The following DYNC2H1 variants were observed in gnomAD, a reference collection of about 807,000 sequenced individuals.
DYNC2H1 encodes the protein dynein cytoplasmic 2 heavy chain 1.
DYNC2H1 carries 410 observed loss-of-function variants against 570.0 expected under a neutral mutation model. The ratio of observed to expected loss-of-function variants is 0.72; its 90% confidence interval spans 0.66 to 0.78. The LOEUF (loss-of-function observed/expected upper bound fraction) is 0.78, where lower values mean the gene tolerates loss of function less well. Ranked by LOEUF, DYNC2H1 falls within the 30% of genes least tolerant of loss-of-function variation. The pLI, the probability that DYNC2H1 is intolerant of heterozygous loss-of-function variation, is 0.00. For missense variants in DYNC2H1, 4,865 were observed against 5,046.4 expected (o/e 0.96, Z 1.09); for synonymous variants, 1,688 against 1,677.6 (o/e 1.01, Z -0.15).
At chr11:103,119,951 G>A (rs1858612266) in intron 6 of DYNC2H1, among the ~76,000 whole-genome samples, 1 of 152,092 alleles carries the variant, frequency 6.6e-6, no homozygotes, top group Non-Finnish European at 1.5e-5. Flanking sequence ...ATTACCTTTT[G>A]ATTGTTGGTG....
chr11:103,352,863 G>A (rs1940118220), intron 82 of DYNC2H1, among the ~76,000 whole-genome samples: 1 of 152,058 alleles, frequency 6.6e-6, no homozygotes, highest in South Asian at 2.1e-4. Context: ...ATTTACTGTA[G>A]CACTATTCAC....
At chr11:103,433,623 G>T (rs1943968854) in intron 84 of DYNC2H1, among the ~76,000 whole-genome samples, 1 of 152,040 alleles carries the variant, frequency 6.6e-6, no homozygotes, top group South Asian at 2.1e-4. Flanking sequence ...GCCACAGTCT[G>T]CCCTCTAGGC....
At chr11:103,427,088 A>G (rs1943700405) in intron 84 of DYNC2H1, among the ~76,000 whole-genome samples, 1 of 152,064 alleles carries the variant, frequency 6.6e-6, no homozygotes, top group Admixed American at 6.6e-5. Context: ...ATTTAACTCT[A>G]CTCTTGATGT....
intron 17 of DYNC2H1, among the ~76,000 whole-genome samples, chr11:103,140,834 A>G (rs2931800): frequency 0.68 from 103,600 of 152,060 alleles, 36,129 homozygotes; most frequent in East Asian, 0.77. Context: ...CGTCACTTTC[A>G]GGTACACCCA....
chr11:103,152,235 G>T lies in DYNC2H1; in HGVS notation c.3046G>T (p.Asp1016Tyr), dbSNP rs867893518. The T allele has an allele frequency of 6.2e-7, 1 of 1,608,044 alleles. No homozygotes were observed. Among genetic ancestry groups the T allele is most frequent in the Non-Finnish European group, 8.5e-7 (1 of 1,177,914 alleles). Residue 1016 changes from aspartate to tyrosine, a missense_variant, in exon 21 of 89, where the codon GAT (aspartate) becomes TAT (tyrosine). By Grantham distance (160) the Asp-to-Tyr change is radical (BLOSUM62 -3). Coordinates refer to ENST00000375735, the MANE Select transcript of DYNC2H1 (RefSeq NM_001377.3). ...ETISNLKAKW[D>Y]KFELMMESHQ... ...AATTAGTAATTTGAAAGCCAAGTGG[G>T]ATAAATTTGAGTTAATGATGGAAAG...
chr11:103,368,888 C>T (rs916701875), intron 83 of DYNC2H1, among the ~76,000 whole-genome samples: 4 of 152,066 alleles, frequency 2.6e-5, no homozygotes, highest in African/African-American at 7.2e-5. Context: ...AGTTGGCTGA[C>T]TTTGGGCTGG....
chr11:103,288,684 TAAAAAAAAAAAAAAA>T (rs57040929), intron 75 of DYNC2H1, among the ~76,000 whole-genome samples: 1 of 27,914 alleles, frequency 3.6e-5, no homozygotes, highest in South Asian at 1.8e-3. Context: ...CCGTCTCTAC[TAAAAAAAAAAAAAAA>T]AAAAAAAAAA....
rs373275518 is a variant in DYNC2H1, at chr11:103,222,955, G to A, written c.9232-10G>A. 1 of 1,612,204 alleles carries A rather than the reference G, an allele frequency of 6.2e-7. No individual in the cohort carries two copies. Among genetic ancestry groups the A allele is most frequent in the African/African-American group, 1.3e-5 (1 of 74,976 alleles). ...TAAGGATGTTGAATCACTTCTCATG[G>A]ATTTTTCAGAATGCTAAGCGTGCCA... On this transcript the variant is annotated splice_polypyrimidine_tract_variant and intron_variant, in intron 58 of 88. Coordinates refer to ENST00000375735, the MANE Select transcript of DYNC2H1 (RefSeq NM_001377.3).
chr11:103,451,836 T>C (rs1431784363), intron 85 of DYNC2H1, among the ~76,000 whole-genome samples: 1 of 152,226 alleles, frequency 6.6e-6, no homozygotes, highest in Non-Finnish European at 1.5e-5. Context: ...TCTATAATTA[T>C]GTAAACAATT....
chr11:103,154,447 A>C lies in DYNC2H1; in HGVS notation c.3303-4A>C, dbSNP rs1281237312. The C allele has an allele frequency of 3.3e-6, 5 of 1,524,682 alleles. No homozygotes were observed. The highest frequency in any genetic ancestry group is 1.7e-4 in the Middle Eastern group (1 of 5,942). 94.4% of individuals were successfully genotyped at this position (1,524,682 alleles called of 1,614,324 possible). On this transcript the variant is annotated splice_region_variant and splice_polypyrimidine_tract_variant and intron_variant, in intron 22 of 88. Coordinates refer to ENST00000375735, the MANE Select transcript of DYNC2H1 (RefSeq NM_001377.3). ...ATTTAATATTTCAATATTTGTTTCT[A>C]TAGTGATGATTGCCATCATTTTAGA...
Position 103,358,246 on chromosome 11 carries a change from A to G in DYNC2H1, c.12043A>G (p.Ile4015Val). Reference sequence around the variant, plus strand: ...TACTTATTATTTTTTTATTCAGGTTATTTCACAGTTGAGGATTTTGGGCAG... The same window carrying G: ...TACTTATTATTTTTTTATTCAGGTTGTTTCACAGTTGAGGATTTTGGGCAG... ...SSQRMISSQV[I>V]SQLRILGRSI... The change falls in exon 83 of 89, where the codon ATT (isoleucine) becomes GTT (valine). Residue 4015 changes from isoleucine (I) to valine (V), a missense_variant. By Grantham distance (29) the Ile-to-Val change is conservative. Coordinates refer to ENST00000375735, the MANE Select transcript of DYNC2H1 (RefSeq NM_001377.3). 6.5e-7 allele frequency: 1 copy of G among 1,550,054 alleles called. No individual in the cohort carries two copies. The highest frequency in any genetic ancestry group is 8.8e-7 in the Non-Finnish European group (1 of 1,141,176).
intron 85 of DYNC2H1, among the ~76,000 whole-genome samples, chr11:103,436,814 C>T (rs1398059471): frequency 6.6e-6 from 1 of 152,142 alleles, no homozygotes; most frequent in Non-Finnish European, 1.5e-5. Flanking sequence ...GTTCAGTTCT[C>T]TATCACTTTC....
At chr11:103,272,209 G>C (rs1194964810) in intron 70 of DYNC2H1, among the ~76,000 whole-genome samples, 1 of 152,204 alleles carries the variant, frequency 6.6e-6, no homozygotes, top group Non-Finnish European at 1.5e-5. Flanking sequence ...TTAAGCAAAT[G>C]TGGCACATAT....
chr11:103,337,212 T>C lies in DYNC2H1; in HGVS notation c.12039+13222T>C, dbSNP rs1482015568. ...CCCATTGTTCCCCTAAGAATACTTT[T>C]AGTTAATCTGAAATCTATAGAAACA... On this transcript the variant is annotated intron_variant, in intron 82 of 88. Transcript: ENST00000375735. Among the ~76,000 whole-genome samples, 3 of 152,196 alleles carry C rather than the reference T, an allele frequency of 2.0e-5. No individual in the cohort carries two copies. The East Asian group carries it at 5.8e-4, about 29-fold the overall frequency.
intron 76 of DYNC2H1, 61 bp from the exon 77 acceptor site, chr11:103,304,534 T>G: frequency 6.4e-7 from 1 of 1,554,472 alleles, no homozygotes; most frequent in African/African-American, 1.4e-5. Context: ...TCTCATACTG[T>G]TATATTACAA....
rs145376124 is a variant in DYNC2H1 at position 103,361,580 on chromosome 11, T to G, written c.12156+3221T>G. Among the ~76,000 whole-genome samples the G allele has an allele frequency of 3.8e-3, 578 of 152,216 alleles. 4 individuals carry two copies. The highest frequency in any genetic ancestry group is 0.013 in the African/African-American group (554 of 41,528). On this transcript the variant is annotated intron_variant, in intron 83 of 88. Transcript: ENST00000375735. ...ATCTAGTTTACAATTTCAAAAAGTT[T>G]TTGAAGAAAGCTGTTGTGTAGAAGA...
At chr11:103,406,705 A>C (rs918947576) in intron 84 of DYNC2H1, 3 of 151,978 alleles carry the variant, frequency 2.0e-5, no homozygotes, top group Admixed American at 6.6e-5. Context: ...TGATTAATTG[A>C]GGAGTAGGCT....
At chr11:103,236,167 G>A (rs984728093) in intron 62 of DYNC2H1, among the ~76,000 whole-genome samples, 9 of 151,806 alleles carry the variant, frequency 5.9e-5, no homozygotes, top group African/African-American at 2.2e-4. Flanking sequence ...AATTCTTTGT[G>A]ATGTTAGTGG....
chr11:103,296,142 G>T (rs1301852335), intron 75 of DYNC2H1, among the ~76,000 whole-genome samples: 5 of 152,246 alleles, frequency 3.3e-5, no homozygotes, highest in Admixed American at 6.5e-5. Flanking sequence ...CTCTTTACTT[G>T]TGAGTCTATT....
Sources: gnomAD v4.1 joint callset for allele counts (sites outside exome capture counted in the v4.1 genomes callset) on GRCh38, gnomAD v4.1.1 for gene constraint, MANE v1.5 for transcripts, NCBI Gene and HGNC (gene_info 2026-07-23, HGNC 2026-07-21) for gene names.